The following DNM3 variants were observed in gnomAD, a reference collection of about 807,000 sequenced individuals.
The protein encoded by DNM3 is dynamin 3, also known as dynamin-3.
DNM3 carries 47 observed loss-of-function variants against 101.6 expected under a neutral mutation model. That is an observed-to-expected ratio of 0.46 (90% CI 0.37 to 0.59). The LOEUF (loss-of-function observed/expected upper bound fraction) is 0.59. DNM3 is among the 20% of genes least tolerant of loss of function. DNM3 has a pLI of 0.00. For missense variants in DNM3, 849 were observed against 1,085.7 expected, an observed-to-expected ratio of 0.78 and a Z score of 3.06; for synonymous variants, 385 against 387.9, an observed-to-expected ratio of 0.99 and a Z score of 0.09.
In DNM3 at chr1:172,356,932, T is replaced by A. The variant is rs563951390; in HGVS notation, c.1894-22086T>A. ...AAGTGCTCAAAACCTTATGGGGATA[T>A]ATGTGAAAAAGATACAAGAGGCAAA... On this transcript the variant is annotated intron_variant, in intron 17 of 20. Transcript: ENST00000627582. 2.0e-5 allele frequency among the ~76,000 whole-genome samples: 3 copies of A among 152,106 alleles called. No individual in the cohort carries two copies. The South Asian group carries it at 6.2e-4, about 32-fold the overall frequency.
At chr1:171,937,268 A>G (rs1054356138) in intron 2 of DNM3, among the ~76,000 whole-genome samples, 3 of 152,112 alleles carry the variant, frequency 2.0e-5, no homozygotes, top group Non-Finnish European at 4.4e-5. Flanking sequence ...TGCTTTTGCA[A>G]AGGATTTATG....
At chr1:172,217,277 G>A (rs1054442418) in intron 14 of DNM3, among the ~76,000 whole-genome samples, 1 of 152,100 alleles carries the variant, frequency 6.6e-6, no homozygotes, top group Non-Finnish European at 1.5e-5. Context: ...TTATTTTGCT[G>A]CTGGTCCCTG....
intron 17 of DNM3, 35 bp from the exon 18 acceptor site, chr1:172,378,983 T>C (rs2068752287): frequency 1.3e-6 from 2 of 1,594,024 alleles, no homozygotes; most frequent in Non-Finnish European, 1.7e-6. Flanking sequence ...TGAGTGAATA[T>C]GAGATAATCC....
In DNM3 at chr1:172,089,746, T is replaced by C. The variant is rs186897198; in HGVS notation, c.1494-3078T>C. On this transcript the variant is annotated intron_variant, in intron 12 of 20. Transcript: ENST00000627582. The stretch of plus-strand genomic sequence containing the variant: ...TTTTCCTTTGGCATATTCTTACAAG[T>C]GGTAGATCCTAAATATGCATTATTT... 7.6e-3 allele frequency among the ~76,000 whole-genome samples: 1,155 copies of C among 152,304 alleles called. 8 individuals carry two copies. Among genetic ancestry groups the C allele is most frequent in the Non-Finnish European group, 0.013 (912 of 67,996 alleles).
intron 14 of DNM3, among the ~76,000 whole-genome samples, chr1:172,195,569 A>G (rs1480966953): frequency 1.3e-5 from 2 of 151,690 alleles, no homozygotes; most frequent in African/African-American, 2.4e-5. Context: ...TTTTTTGTAG[A>G]TGTTCATTAT....
At chr1:171,951,259 A>G (rs2042506706) in intron 2 of DNM3, among the ~76,000 whole-genome samples, 2 of 152,282 alleles carry the variant, frequency 1.3e-5, no homozygotes, top group East Asian at 3.9e-4. Context: ...TACTTTGATA[A>G]AACACACACT....
At chr1:172,320,031 A>C (rs1573455143) in intron 16 of DNM3, among the ~76,000 whole-genome samples, 1 of 151,798 alleles carries the variant, frequency 6.6e-6, no homozygotes, top group South Asian at 2.1e-4. Context: ...GCACATATAC[A>C]CCATGGAATA....
chr1:172,120,186 G>A (rs6693520), intron 13 of DNM3, among the ~76,000 whole-genome samples: 54,218 of 152,056 alleles, frequency 0.36, 11,807 homozygotes, highest in Non-Finnish European at 0.48. Flanking sequence ...TACGTGGCTG[G>A]GGAGGCCTTC....
intron 13 of DNM3, among the ~76,000 whole-genome samples, chr1:172,121,430 A>G (rs1457353841): frequency 6.6e-6 from 1 of 152,262 alleles, no homozygotes; most frequent in Non-Finnish European, 1.5e-5. Context: ...TTAAGAATCA[A>G]GATAGTGCGG....
chr1:171,964,968 C>A (rs2043468690), intron 2 of DNM3, among the ~76,000 whole-genome samples: 1 of 151,986 alleles, frequency 6.6e-6, no homozygotes, highest in Non-Finnish European at 1.5e-5. Context: ...TCTCAATTCT[C>A]TGTGGACACC....
intron 4 of DNM3, among the ~76,000 whole-genome samples, chr1:172,023,675 G>T (rs2047996362): frequency 6.6e-6 from 1 of 151,728 alleles, no homozygotes; most frequent in South Asian, 2.1e-4. Flanking sequence ...TTTCCTGTTT[G>T]GCACTTGTTG....
chr1:171,895,624 C>A (rs2037714591), intron 1 of DNM3, among the ~76,000 whole-genome samples: 1 of 152,098 alleles, frequency 6.6e-6, no homozygotes, highest in Non-Finnish European at 1.5e-5. Context: ...TTTTGCTGTG[C>A]AGAAGCTCTT....
rs550300610 is a variant in DNM3 at position 171,971,093 on chromosome 1, ACTT to A, written c.236-16558_236-16556del. Reference sequence around the variant, plus strand: ...AAGAGGAATGCATTCTATCTCTTACACTTCTTCATAAATGCTTTATGCTTTCAC... The same window carrying A: ...AAGAGGAATGCATTCTATCTCTTACACTTCATAAATGCTTTATGCTTTCAC... On this transcript the variant is annotated intron_variant, in intron 2 of 20. Transcript: ENST00000627582. 2.5e-3 allele frequency among the ~76,000 whole-genome samples: 374 copies of A among 152,120 alleles called. 1 individual carries two copies. Among genetic ancestry groups the A allele is most frequent in the African/African-American group, 8.7e-3 (362 of 41,540 alleles).
At chr1:171,929,573 T>C (rs913724806) in intron 2 of DNM3, among the ~76,000 whole-genome samples, 7 of 151,890 alleles carry the variant, frequency 4.6e-5, no homozygotes, top group Admixed American at 4.6e-4. Context: ...CTGGCCACAT[T>C]TTTGGAGAGT....
At chr1:172,017,399 T>A (rs1315608177) in intron 4 of DNM3, among the ~76,000 whole-genome samples, 6 of 152,180 alleles carry the variant, frequency 3.9e-5, no homozygotes, top group Non-Finnish European at 7.4e-5. Flanking sequence ...TAAGTTGTAT[T>A]TTCATTTAGT....
chr1:171,973,219 G>A (rs1259939217), intron 2 of DNM3, among the ~76,000 whole-genome samples: 1 of 152,170 alleles, frequency 6.6e-6, no homozygotes, highest in Non-Finnish European at 1.5e-5. Flanking sequence ...TTGGAGGGGA[G>A]AGCTTGAAGT....
rs976901172 is a variant in DNM3 at position 171,873,266 on chromosome 1, G to A, written c.161+31449G>A. Reference sequence around the variant, plus strand: ...TTAGTGGGTTTGAAGGGTACAGCATGGTGCCTGACCTGTAGTAGGTGGTCC... The same window carrying A: ...TTAGTGGGTTTGAAGGGTACAGCATAGTGCCTGACCTGTAGTAGGTGGTCC... On this transcript the variant is annotated intron_variant, in intron 1 of 20. Coordinates refer to ENST00000627582, the MANE Select transcript of DNM3 (RefSeq NM_015569.5). Among the ~76,000 whole-genome samples, 12 of 152,060 alleles carry A rather than the reference G, an allele frequency of 7.9e-5. 1 individual carries two copies. Among genetic ancestry groups the A allele is most frequent in the Admixed American group, 7.2e-4 (11 of 15,264 alleles).
chr1:172,402,843 T>C (rs1166134006), intron 20 of DNM3, among the ~76,000 whole-genome samples: 1 of 152,214 alleles, frequency 6.6e-6, no homozygotes, highest in Non-Finnish European at 1.5e-5. Context: ...TCATCCTTCT[T>C]AAGATTTCCA....
At chr1:171,907,117 CT>C (rs1430832590) in intron 1 of DNM3, among the ~76,000 whole-genome samples, 1 of 152,208 alleles carries the variant, frequency 6.6e-6, no homozygotes, top group African/African-American at 2.4e-5. Flanking sequence ...GCCTCTATTA[CT>C]GTAACATCTC....
Sources: gnomAD v4.1 joint callset for allele counts (sites outside exome capture counted in the v4.1 genomes callset) on GRCh38, gnomAD v4.1.1 for gene constraint, MANE v1.5 for transcripts, NCBI Gene and HGNC (gene_info 2026-07-23, HGNC 2026-07-21) for gene names.